IGFL2: variants seen among roughly 807,000 people sequenced by gnomAD.
IGFL2 encodes IGF like family member 2, also known as insulin growth factor-like family member 2.
IGFL2 carries 7 observed loss-of-function variants against 13.9 expected under a neutral mutation model. The observed-to-expected ratio is 0.51, with a 90% CI of 0.29 to 0.95. The LOEUF is 0.95. Among genes scored for constraint, IGFL2 ranks in the 40% least tolerant of loss-of-function variants. IGFL2 has a pLI of 0.08. For missense variants in IGFL2, 138 were observed against 147.8 expected (o/e 0.93, Z 0.34); for synonymous variants, 55 against 55.8 (o/e 0.99, Z 0.07).
At chr19:46,188,292 T>C in the IGFL2 span, among the ~76,000 whole-genome samples, 1 of 152,160 alleles carries the variant, frequency 6.6e-6, no homozygotes, top group Non-Finnish European at 1.5e-5. Context: ...CCAGTGTGTG[T>C]ACTGTAGACA....
the IGFL2 span, among the ~76,000 whole-genome samples, chr19:46,169,166 A>G: frequency 2.0e-5 from 3 of 152,194 alleles, no homozygotes; most frequent in Non-Finnish European, 2.9e-5. Context: ...TGATTGCACC[A>G]GTGCACTCCA....
the IGFL2 span, among the ~76,000 whole-genome samples, chr19:46,127,794 T>C: frequency 2.6e-5 from 4 of 152,194 alleles, no homozygotes; most frequent in Non-Finnish European, 5.9e-5. Flanking sequence ...AATCTACTTT[T>C]AATTTTTTCG....
chr19:46,079,342 C>T, the IGFL2 span, among the ~76,000 whole-genome samples: 1 of 152,216 alleles, frequency 6.6e-6, no homozygotes, highest in Non-Finnish European at 1.5e-5. Flanking sequence ...CAAGTCGCTG[C>T]CGCTCCCCTC....
downstream of IGFL2, chr19:46,164,344 T>C (rs1471794505): frequency 6.6e-6 from 1 of 152,278 alleles, no homozygotes; most frequent in Admixed American, 6.5e-5. Flanking sequence ...GGAGCAGCTG[T>C]GCTGTGCTGG....
the IGFL2 span, among the ~76,000 whole-genome samples, chr19:46,182,067 T>G: frequency 6.6e-6 from 1 of 152,136 alleles, no homozygotes; most frequent in African/African-American, 2.4e-5. Flanking sequence ...AATGGTATTT[T>G]CAGTGGATAA....
At chr19:46,150,516 T>C (rs530328713) in intron 1 of IGFL2, among the ~76,000 whole-genome samples, 140 of 152,344 alleles carry the variant, frequency 9.2e-4, no homozygotes, top group African/African-American at 3.3e-3. Context: ...AATAATTGTG[T>C]ATATTTATGG....
the IGFL2 span, among the ~76,000 whole-genome samples, chr19:46,173,178 G>A: frequency 6.6e-6 from 1 of 152,128 alleles, no homozygotes; most frequent in Non-Finnish European, 1.5e-5. Flanking sequence ...TTTTGAATGG[G>A]GTGGACTGTG....
At chr19:46,141,060 G>T (rs1374713109), upstream of IGFL2, among the ~76,000 whole-genome samples, 1 of 152,186 alleles carries the variant, frequency 6.6e-6, no homozygotes, top group African/African-American at 2.4e-5. Flanking sequence ...TTTTATCAGA[G>T]CCTAAGTGAC....
the IGFL2 span, among the ~76,000 whole-genome samples, chr19:46,184,236 T>C: frequency 4.6e-5 from 7 of 151,516 alleles, no homozygotes; most frequent in Non-Finnish European, 1.5e-5. Context: ...GCCTCTCTCT[T>C]TCTTTCAATG....
the IGFL2 span, among the ~76,000 whole-genome samples, chr19:46,084,662 G>A: frequency 2.0e-5 from 3 of 152,184 alleles, no homozygotes; most frequent in South Asian, 2.1e-4. Flanking sequence ...TAGAGAGAGA[G>A]TGTGTGTGGG....
At chr19:46,127,044 G>A in the IGFL2 span, among the ~76,000 whole-genome samples, 1 of 152,252 alleles carries the variant, frequency 6.6e-6, no homozygotes, top group Non-Finnish European at 1.5e-5. Context: ...TAGCTGGAGT[G>A]TGTCAAGCTT....
chr19:46,084,296 A>G, the IGFL2 span, among the ~76,000 whole-genome samples: 8 of 152,192 alleles, frequency 5.3e-5, no homozygotes, highest in African/African-American at 1.4e-4. Flanking sequence ...GTATAAATCT[A>G]TTAAGTTCAT....
the IGFL2 span, among the ~76,000 whole-genome samples, chr19:46,119,706 G>T: frequency 3.5e-3 from 513 of 148,186 alleles, 30 homozygotes; most frequent in African/African-American, 0.012. Flanking sequence ...AGGTCAATTG[G>T]GATAATTTCC....
chr19:46,170,923 ACCTTGTGATCTCGCCCTGACCTTCTGC>A, the IGFL2 span, among the ~76,000 whole-genome samples: 2 of 151,992 alleles, frequency 1.3e-5, no homozygotes, highest in Non-Finnish European at 2.9e-5. Context: ...TTTCACCCTG[ACCTTGTGATCTCGCCCTGACCTTCTGC>A]CCTTGTGATC....
the IGFL2 span, among the ~76,000 whole-genome samples, chr19:46,087,008 G>A: frequency 2.6e-4 from 39 of 152,306 alleles, no homozygotes; most frequent in South Asian, 1.2e-3. Flanking sequence ...TTTGGGCCAC[G>A]GTGGCAGTAG....
the IGFL2 span, chr19:46,197,194 T>C: frequency 4.6e-6 from 1 of 218,646 alleles, no homozygotes; most frequent in East Asian, 1.1e-4. Flanking sequence ...GTGCTGCCCC[T>C]GGTCCCTCAG....
the IGFL2 span, among the ~76,000 whole-genome samples, chr19:46,115,685 A>G: frequency 3.3e-5 from 5 of 152,212 alleles, no homozygotes; most frequent in African/African-American, 1.2e-4. Flanking sequence ...TTTGCAGCCA[A>G]TACCTAGCCA....
At chr19:46,131,367 G>A in the IGFL2 span, among the ~76,000 whole-genome samples, 118 of 152,162 alleles carry the variant, frequency 7.8e-4, 1 homozygote, top group Middle Eastern at 0.017. Context: ...AGCTTTACTC[G>A]ACAATATTTG....
downstream of IGFL2, among the ~76,000 whole-genome samples, chr19:46,163,716 C>G (rs1206765201): frequency 2.0e-5 from 3 of 152,144 alleles, no homozygotes; most frequent in African/African-American, 7.2e-5. Flanking sequence ...CAGGGGGTGG[C>G]TGGAGGCCTA....
Sources: allele counts gnomAD v4.1 joint callset (sites outside exome capture counted in the v4.1 genomes callset), GRCh38; gene constraint gnomAD v4.1.1; transcripts MANE v1.5; gene names NCBI Gene and HGNC (gene_info 2026-07-23, HGNC 2026-07-21).